RUVBL2: variants seen among roughly 807,000 people sequenced by gnomAD.
RUVBL2 encodes the protein RuvB like AAA ATPase 2.
RUVBL2 carries 9 observed loss-of-function variants against 57.9 expected under a neutral mutation model. That is an observed-to-expected ratio of 0.16 (90% CI 0.09 to 0.27). The LOEUF (loss-of-function observed/expected upper bound fraction) is 0.27. RUVBL2 is among the 10% of genes least tolerant of loss of function. RUVBL2 has a pLI of 1.00. For missense variants in RUVBL2, 456 were observed against 669.6 expected (o/e 0.68, Z 3.52); for synonymous variants, 278 against 264.6 (o/e 1.05, Z -0.49).
rs186633810 is a variant in RUVBL2 at position 48,998,152 on chromosome 19, C to T, written c.13-1167C>T. Among the ~76,000 whole-genome samples, 420 of 152,282 alleles carry T rather than the reference C, an allele frequency of 2.8e-3. 1 individual carries two copies. Among genetic ancestry groups the T allele is most frequent in the Non-Finnish European group, 4.9e-3 (336 of 68,006 alleles). On this transcript the variant is annotated intron_variant, in intron 1 of 14. Coordinates refer to ENST00000595090, the MANE Select transcript of RUVBL2 (RefSeq NM_006666.3). ...TCATCTGTCTGAATGTCTAGAGGTCCTAGAACTAGCCTGGCAGGGCTGTTG... is the reference window on the plus strand; with the variant it reads ...TCATCTGTCTGAATGTCTAGAGGTCTTAGAACTAGCCTGGCAGGGCTGTTG...
chr19:48,995,215 C>T (rs553332066), intron 1 of RUVBL2, among the ~76,000 whole-genome samples: 5 of 151,874 alleles, frequency 3.3e-5, no homozygotes, highest in African/African-American at 1.2e-4. Context: ...GAACAGCGGG[C>T]AGCAAGGTTT....
At chr19:49,001,024 T>C (rs1315028993) in intron 2 of RUVBL2, among the ~76,000 whole-genome samples, 7 of 151,286 alleles carry the variant, frequency 4.6e-5, no homozygotes, top group Non-Finnish European at 7.4e-5. Context: ...CCGGCAGTGG[T>C]GGTCCATGCC....
chr19:49,015,253 C>G, intron 13 of RUVBL2, 103 bp downstream of exon 13: 3 of 1,474,368 alleles, frequency 2.0e-6, no homozygotes. Context: ...TGTACGTTTT[C>G]AGACGCAGGG....
chr19:49,015,770 C>T (rs1258780827), intron 14 of RUVBL2, 47 bp from the exon 15 acceptor site: 1 of 1,613,670 alleles, frequency 6.2e-7, no homozygotes, highest in Admixed American at 1.7e-5. Flanking sequence ...GGCTCAGGCC[C>T]TGCCACCTGG....
chr19:49,005,618 T>C (rs1332954303), intron 4 of RUVBL2, among the ~76,000 whole-genome samples: 1 of 151,846 alleles, frequency 6.6e-6, no homozygotes, highest in Non-Finnish European at 1.5e-5. Context: ...CCTCCATCCT[T>C]TCTGCTTTCC....
At chr19:49,004,521 T>C in intron 4 of RUVBL2, 103 bp downstream of exon 4, 2 of 1,144,036 alleles carry the variant, frequency 1.7e-6, no homozygotes, top group Non-Finnish European at 2.5e-6. Context: ...TGACCCAAAA[T>C]GGCAGTGGCT....
At chr19:49,002,983 C>G (rs2039213745) in intron 2 of RUVBL2, among the ~76,000 whole-genome samples, 2 of 152,168 alleles carry the variant, frequency 1.3e-5, no homozygotes, top group Non-Finnish European at 2.9e-5. Context: ...ATCATTAGCC[C>G]TTGTGGTTAG....
chr19:48,993,819 A>T (rs1196431594), upstream of RUVBL2: 2 of 1,492,340 alleles, frequency 1.3e-6, no homozygotes, highest in Non-Finnish European at 1.9e-6. Flanking sequence ...AACCATCGAG[A>T]TCTTTGAAGA....
chr19:49,003,213 A>G, intron 2 of RUVBL2, 66 bp from the exon 3 acceptor site: 2 of 1,253,826 alleles, frequency 1.6e-6, no homozygotes, highest in South Asian at 2.4e-5. Flanking sequence ...CAGGGCTCAG[A>G]GGGGTCAGGC....
rs572547165 is a variant in RUVBL2 at position 49,005,097 on chromosome 19, C to T, written c.265+679C>T. Among the ~76,000 whole-genome samples the T allele has an allele frequency of 7.2e-5, 11 of 152,228 alleles. No individual in the cohort carries two copies. The East Asian group carries it at 2.1e-3, about 29-fold the overall frequency. ...CTAGTGGTTTATGATCTTTTCACTC[C>T]CAGCTGTTCCTCTTCTTCCTTGTTG... is the stretch of plus-strand genomic sequence containing the variant. On this transcript the variant is annotated intron_variant, in intron 4 of 14. Transcript: ENST00000595090.
intron 1 of RUVBL2, among the ~76,000 whole-genome samples, chr19:48,995,100 G>C (rs2039030178): frequency 6.6e-6 from 1 of 151,896 alleles, no homozygotes; most frequent in Admixed American, 6.6e-5. Flanking sequence ...GAGGTGGATA[G>C]GGAAGTAGAA....
Position 49,011,146 on chromosome 19 carries a change from G to T in RUVBL2, c.883-46G>T. On this transcript the variant is annotated intron_variant, in intron 10 of 14. Transcript: ENST00000595090. This position sits in a 1 kb window ranked among gnomAD's most constrained non-coding sequence, Gnocchi z 4.4. ...GGTGGTGGGGTGGAGGTGGGCCGGG[G>T]AAGTGGGGACGCGGGTGGTGACTCT... 6.2e-7 allele frequency: 1 copy of T among 1,608,316 alleles called. No individual in the cohort carries two copies. The highest frequency in any genetic ancestry group is 8.5e-7 in the Non-Finnish European group (1 of 1,175,914).
Position 49,013,643 on chromosome 19 carries a change from G to A in RUVBL2, c.1002-841G>A, listed in dbSNP as rs116990414. On this transcript the variant is annotated intron_variant, in intron 11 of 14. Coordinates refer to ENST00000595090, the MANE Select transcript of RUVBL2 (RefSeq NM_006666.3). ...AACACACATACATGAGGCCAGGCGCGGTAGCTCACACCTGTAATCCCAGCA... is the reference window on the plus strand; with the variant it reads ...AACACACATACATGAGGCCAGGCGCAGTAGCTCACACCTGTAATCCCAGCA... 3.0e-3 allele frequency among the ~76,000 whole-genome samples: 462 copies of A among 152,270 alleles called. 1 individual carries two copies. Among genetic ancestry groups the A allele is most frequent in the Middle Eastern group, 0.01 (3 of 294 alleles).
chr19:48,999,650 C>T (rs1291186000), intron 2 of RUVBL2, among the ~76,000 whole-genome samples: 1 of 152,144 alleles, frequency 6.6e-6, no homozygotes, highest in East Asian at 1.9e-4. Context: ...TTACTGGGTG[C>T]TTTACTGGGT....
Position 49,007,357 on chromosome 19 carries a change from G to A in RUVBL2, c.451G>A (p.Ala151Thr), listed in dbSNP as rs755327144. The change falls in exon 6 of 15, where the codon GCA (alanine) becomes ACA (threonine). Residue 151 changes from alanine to threonine, a missense_variant. Ala to Thr is a moderately conservative substitution (Grantham distance 58). Transcript: ENST00000595090. Reference protein sequence around the residue: ...EVVEIQIDRPATGTGSKVGKL... With the variant: ...EVVEIQIDRPTTGTGSKVGKL... ...GGTGGAGATCCAGATTGATCGACCAGCAACAGGGACGGTGAGTCTGTGTGA... is the reference window on the plus strand; with the variant it reads ...GGTGGAGATCCAGATTGATCGACCAACAACAGGGACGGTGAGTCTGTGTGA... The A allele has an allele frequency of 3.7e-5, 60 of 1,613,898 alleles. No individual in the cohort carries two copies. Among genetic ancestry groups the A allele is most frequent in the Non-Finnish European group, 4.8e-5 (57 of 1,179,974 alleles).
At chr19:49,007,441 C>T (rs1399286008) in intron 6 of RUVBL2, 73 bp downstream of exon 6, 3 of 1,369,462 alleles carry the variant, frequency 2.2e-6, no homozygotes, top group Non-Finnish European at 3.1e-6. Context: ...GATATCAGGT[C>T]TGCACTGAGG....
At chr19:49,006,574 C>A (rs933032919) in intron 4 of RUVBL2, among the ~76,000 whole-genome samples, 1 of 152,220 alleles carries the variant, frequency 6.6e-6, no homozygotes, top group Non-Finnish European at 1.5e-5. Flanking sequence ...CAAGATCCCA[C>A]GGCGCCACCT....
At chr19:49,015,374 G>T in intron 13 of RUVBL2, 198 bp from the exon 14 acceptor site, 1 of 705,378 alleles carries the variant, frequency 1.4e-6, no homozygotes, top group Middle Eastern at 4.1e-4. Context: ...TACAGATAAA[G>T]AAACTGAGGA....
rs1365190678 is a variant in RUVBL2 at position 49,014,615 on chromosome 19, A to G, written c.1121+12A>G. The G allele has an allele frequency of 8.1e-6, 13 of 1,613,650 alleles. No homozygotes were observed. The highest frequency in any genetic ancestry group is 1.1e-5 in the Non-Finnish European group (13 of 1,179,866). Reference sequence around the variant, plus strand: ...ATCCTCCGCATCCGGTGCGGGCAGGACCAGGCCGTGCGCCTGAGACGCAGG... The same window carrying G: ...ATCCTCCGCATCCGGTGCGGGCAGGGCCAGGCCGTGCGCCTGAGACGCAGG... On this transcript the variant is annotated intron_variant, in intron 12 of 14. Transcript: ENST00000595090.
Sources: gnomAD v4.1 joint callset for allele counts (sites outside exome capture counted in the v4.1 genomes callset) on GRCh38, gnomAD v4.1.1 for gene constraint, Gnocchi (gnomAD v3.1) non-coding constraint, MANE v1.5 for transcripts, NCBI Gene and HGNC (gene_info 2026-07-23, HGNC 2026-07-21) for gene names.